Variants in STK10 observed in about 807,000 individuals in gnomAD.
STK10 encodes the protein serine/threonine kinase 10.
A neutral mutation model predicts 113.8 loss-of-function variants in STK10; 78 were observed. The ratio of observed to expected loss-of-function variants is 0.69; its 90% CI spans 0.57 to 0.83. The LOEUF is 0.83. STK10 is among the 40% of genes least tolerant of loss of function. The pLI, the probability that STK10 is intolerant of heterozygous loss-of-function variation, is 0.00. For synonymous variants in STK10, 465 were observed against 494.7 expected, an observed-to-expected ratio of 0.94 and a Z score of 0.80; for missense variants, 1,109 against 1,280.1, an observed-to-expected ratio of 0.87 and a Z score of 2.04.
intron 2 of STK10, among the ~76,000 whole-genome samples, chr5:172,128,572 C>T (rs1769679988): frequency 6.6e-6 from 1 of 152,198 alleles, no homozygotes. Context: ...CTCAGGTGAT[C>T]CACCCGCCCT....
chr5:172,117,046 A>T (rs981103985), intron 4 of STK10, among the ~76,000 whole-genome samples: 8 of 152,142 alleles, frequency 5.3e-5, no homozygotes, highest in Non-Finnish European at 1.2e-4. Context: ...TGGGAGGCCA[A>T]GGCGGGCAGA....
chr5:172,174,569 C>T (rs1020394682), intron 1 of STK10, among the ~76,000 whole-genome samples: 2 of 152,184 alleles, frequency 1.3e-5, no homozygotes, highest in Non-Finnish European at 2.9e-5. Flanking sequence ...AGGGACTTCA[C>T]ATCTGCTGGA....
At position 172,082,409 on chromosome 5, in the gene STK10, G is replaced by A. The variant is rs376559497; in HGVS notation, c.1906C>T (p.Arg636Trp). The change falls in exon 12 of 19, where the codon CGG becomes TGG. Residue 636 changes from arginine to tryptophan, a missense_variant. Arg to Trp is a moderately radical substitution (Grantham distance 101). Coordinates refer to ENST00000176763, the MANE Select transcript of STK10 (RefSeq NM_005990.4). The surrounding 1 kb of genome is among the most constrained non-coding windows in gnomAD (Gnocchi z 4.3). ...AGGCGGATCCGCCTGGCCTCCTCCCGGCGGCGCACGGCATGGTCTTGCTCC... is the reference window on the plus strand; with the variant it reads ...AGGCGGATCCGCCTGGCCTCCTCCCAGCGGCGCACGGCATGGTCTTGCTCC... ...KMEQDHAVRR[R>W]EEARRIRLEQ... The A allele has an allele frequency of 3.0e-5, 48 of 1,610,950 alleles. No homozygotes were observed. Among genetic ancestry groups the A allele is most frequent in the East Asian group, 9.0e-5 (4 of 44,568 alleles).
intron 3 of STK10, among the ~76,000 whole-genome samples, chr5:172,126,217 A>C (rs1769615613): frequency 6.6e-6 from 1 of 152,168 alleles, no homozygotes; most frequent in Non-Finnish European, 1.5e-5. Flanking sequence ...GGTCACCCAG[A>C]CCTGGGTTCA....
chr5:172,085,739 G>GA, intron 10 of STK10, among the ~76,000 whole-genome samples: 1 of 151,574 alleles, frequency 6.6e-6, no homozygotes, highest in Non-Finnish European at 1.5e-5. Flanking sequence ...CATATAATCG[G>GA]AAAAAAAGAA....
intron 12 of STK10, among the ~76,000 whole-genome samples, chr5:172,081,529 G>A (rs1428811230): frequency 2.0e-5 from 3 of 152,068 alleles, no homozygotes; most frequent in African/African-American, 4.8e-5. Context: ...CAGTATCTCC[G>A]AGGTATATCT....
intron 7 of STK10, among the ~76,000 whole-genome samples, chr5:172,097,140 G>A (rs939892086): frequency 6.6e-6 from 1 of 152,192 alleles, no homozygotes; most frequent in Non-Finnish European, 1.5e-5. Flanking sequence ...CCAGGTTCAA[G>A]GGATTCTCCT....
At chr5:172,068,057 A>G (rs1329615694) in intron 12 of STK10, among the ~76,000 whole-genome samples, 1 of 152,206 alleles carries the variant, frequency 6.6e-6, no homozygotes, top group Non-Finnish European at 1.5e-5. Flanking sequence ...TGCTGAAAGA[A>G]GGGCCGGGCG....
chr5:172,161,263 C>T (rs1364700593), intron 1 of STK10, among the ~76,000 whole-genome samples: 1 of 152,026 alleles, frequency 6.6e-6, no homozygotes, highest in Admixed American at 6.6e-5. Context: ...ACCAGCCTGG[C>T]CAAAATGGTG....
intron 12 of STK10, among the ~76,000 whole-genome samples, chr5:172,079,547 ATATTTATT>A (rs554176659): frequency 2.2e-3 from 313 of 140,376 alleles, no homozygotes; most frequent in Non-Finnish European, 3.7e-3. Flanking sequence ...ATATATACAT[ATATTTATT>A]TATTTATTTA....
At chr5:172,161,314 GTGGTGGTGACCGCC>G in intron 1 of STK10, among the ~76,000 whole-genome samples, 1 of 152,188 alleles carries the variant, frequency 6.6e-6, no homozygotes, top group East Asian at 1.9e-4. Flanking sequence ...TTAGCCAGGC[GTGGTGGTGACCGCC>G]TGTAGTCCCA....
chr5:172,172,210 C>T (rs1770674375), intron 1 of STK10, among the ~76,000 whole-genome samples: 1 of 152,068 alleles, frequency 6.6e-6, no homozygotes, highest in East Asian at 1.9e-4. Flanking sequence ...AACAGTATGG[C>T]ATGCACAGCC....
chr5:172,099,476 G>C (rs1056699060), intron 7 of STK10, among the ~76,000 whole-genome samples: 3 of 152,336 alleles, frequency 2.0e-5, no homozygotes, highest in Admixed American at 1.3e-4. Flanking sequence ...GGGAGGCAGA[G>C]GTTACAGTGA....
At chr5:172,181,152 C>A (rs114978762) in intron 1 of STK10, among the ~76,000 whole-genome samples, 1 of 152,220 alleles carries the variant, frequency 6.6e-6, no homozygotes, top group African/African-American at 2.4e-5. Flanking sequence ...CAGCTCCCTA[C>A]GCTGCTGCCT....
rs751638585 is a variant in STK10 at position 172,106,632 on chromosome 5, G to A, written c.776C>T (p.Thr259Met). 2.5e-6 allele frequency: 4 copies of A among 1,612,478 alleles called. No individual in the cohort carries two copies. The highest frequency in any genetic ancestry group is 1.1e-5 in the South Asian group (1 of 91,000). ...IAKSDPPTLL[T>M]PSKWSVEFRD... is the part of the protein sequence containing the mutation. ...CCCTGCCCCTCACCACTTAGAGGGCGTGAGCAGCGTGGGAGGGTCCGACTT... is the reference window on the plus strand; with the variant it reads ...CCCTGCCCCTCACCACTTAGAGGGCATGAGCAGCGTGGGAGGGTCCGACTT... Residue 259 changes from threonine (T) to methionine (M), a missense_variant, in exon 6 of 19, where the codon ACG (threonine) becomes ATG (methionine). By Grantham distance (81) the Thr-to-Met change is moderately conservative. Around this residue, in one of 5 missense-constraint regions of STK10, gnomAD observed 885 missense variants for 991.1 expected, o/e 0.89. Transcript: ENST00000176763.
At chr5:172,146,912 G>A (rs1015728613) in intron 2 of STK10, among the ~76,000 whole-genome samples, 7 of 152,120 alleles carry the variant, frequency 4.6e-5, no homozygotes, top group Non-Finnish European at 7.4e-5. Context: ...ACTATCTACC[G>A]GGAGACAGCG....
chr5:172,045,981 C>T (rs1008197487), intron 18 of STK10, among the ~76,000 whole-genome samples: 2 of 151,714 alleles, frequency 1.3e-5, no homozygotes, highest in South Asian at 2.1e-4. Flanking sequence ...TGAGCCACCG[C>T]GCCTGGCCTA....
At chr5:172,176,383 A>G (rs7735779) in intron 1 of STK10, among the ~76,000 whole-genome samples, 64,896 of 151,856 alleles carry the variant, frequency 0.43, 16,458 homozygotes, top group African/African-American at 0.72. Flanking sequence ...ACATCTTCTC[A>G]GGCTGGTCAC....
rs144080738 is a variant in STK10 at position 172,080,107 on chromosome 5, T to G, written c.1989+2219A>C. Among the ~76,000 whole-genome samples, 409 of 152,320 alleles carry G rather than the reference T, an allele frequency of 2.7e-3. 1 individual carries two copies. Among genetic ancestry groups the G allele is most frequent in the African/African-American group, 9.4e-3 (392 of 41,578 alleles). ...AATATTTCACATTTTTTCATTATTA[T>G]TATCTCTATTATGACGATCTGTGAT... On this transcript the variant is annotated intron_variant, in intron 12 of 18. Transcript: ENST00000176763.
Sources: allele counts gnomAD v4.1 joint callset (sites outside exome capture counted in the v4.1 genomes callset), GRCh38; gene constraint gnomAD v4.1.1; regional missense constraint gnomAD v4.1.1; non-coding constraint Gnocchi (gnomAD v3.1); transcripts MANE v1.5; gene names NCBI Gene and HGNC (gene_info 2026-07-23, HGNC 2026-07-21).